The following PRKCH variants were observed in gnomAD, a reference collection of about 807,000 sequenced individuals.
PRKCH encodes protein kinase C eta, also known as protein kinase C eta type.
Under a neutral mutation model 82.5 loss-of-function variants are expected in PRKCH, and 28 were observed. The ratio of observed to expected loss-of-function variants is 0.34; its 90% CI spans 0.25 to 0.47. The LOEUF (loss-of-function observed/expected upper bound fraction) is 0.47, where lower values mean the gene tolerates loss of function less well. Among genes scored for constraint, PRKCH ranks in the 20% least tolerant of loss-of-function variants. The pLI, the probability that PRKCH is intolerant of heterozygous loss-of-function variation, is 1.00. For synonymous variants in PRKCH, 322 were observed against 327.4 expected, an observed-to-expected ratio of 0.98 and a Z score of 0.18; for missense variants, 705 against 881.8, an observed-to-expected ratio of 0.80 and a Z score of 2.54.
intron 1 of PRKCH, among the ~76,000 whole-genome samples, chr14:61,366,997 G>A (rs941067151): frequency 6.6e-5 from 10 of 151,968 alleles, no homozygotes; most frequent in Non-Finnish European, 8.8e-5. Flanking sequence ...CAAATACTTC[G>A]ATGAGTAGGA....
At chr14:61,195,241 A>G (rs1349257651) in intron 1 of PRKCH, among the ~76,000 whole-genome samples, 5 of 152,282 alleles carry the variant, frequency 3.3e-5, no homozygotes, top group Admixed American at 2.6e-4. Flanking sequence ...TGGTCTCTCA[A>G]TGAGTTTATC....
intron 1 of PRKCH, among the ~76,000 whole-genome samples, chr14:61,342,517 T>C (rs2045941555): frequency 6.6e-6 from 1 of 152,230 alleles, no homozygotes; most frequent in Non-Finnish European, 1.5e-5. Flanking sequence ...AATTGTCGGC[T>C]TAAACCTGCC....
chr14:61,325,941 T>G (rs994480163), intron 1 of PRKCH, among the ~76,000 whole-genome samples: 13 of 152,142 alleles, frequency 8.5e-5, no homozygotes, highest in Non-Finnish European at 1.9e-4. Flanking sequence ...AGGTTAAAAT[T>G]AATAAGACTG....
intron 10 of PRKCH, among the ~76,000 whole-genome samples, chr14:61,528,482 G>A (rs1594787700): frequency 1.3e-5 from 2 of 152,242 alleles, no homozygotes; most frequent in African/African-American, 2.4e-5. Flanking sequence ...GCACCCAGCC[G>A]ACAAGTATTT....
chr14:61,528,979 T>TGTGTGG, intron 10 of PRKCH, 96 bp from the exon 11 acceptor site: 2 of 1,049,738 alleles, frequency 1.9e-6, no homozygotes, highest in Non-Finnish European at 2.7e-6. Context: ...CGCACGTGTG[T>TGTGTGG]GTGTGTGTGT....
intron 2 of PRKCH, among the ~76,000 whole-genome samples, chr14:61,419,659 T>G (rs1324665765): frequency 2.6e-5 from 4 of 152,202 alleles, no homozygotes; most frequent in African/African-American, 9.6e-5. Context: ...TGAGACCTGG[T>G]GGGGCGTTCT....
At chr14:61,485,455 G>C (rs749614174) in intron 9 of PRKCH, 47 bp from the exon 10 acceptor site, 2 of 1,596,932 alleles carry the variant, frequency 1.3e-6, no homozygotes, top group Non-Finnish European at 1.7e-6. Context: ...TGGAGCTCTA[G>C]GTTAATTGCT....
intron 3 of PRKCH, among the ~76,000 whole-genome samples, chr14:61,443,650 G>A (rs1331103269): frequency 6.6e-6 from 1 of 152,168 alleles, no homozygotes; most frequent in East Asian, 1.9e-4. Context: ...AATGACTTAT[G>A]GAAATTAATG....
chr14:61,368,625 G>A (rs982038126), intron 1 of PRKCH, among the ~76,000 whole-genome samples: 1 of 152,134 alleles, frequency 6.6e-6, no homozygotes, highest in Non-Finnish European at 1.5e-5. Context: ...AAACAGAGCT[G>A]GCACTGATCA....
chr14:61,467,328 T>G (rs1236736752), intron 9 of PRKCH, among the ~76,000 whole-genome samples: 1 of 152,234 alleles, frequency 6.6e-6, no homozygotes, highest in Non-Finnish European at 1.5e-5. Flanking sequence ...AACGTACCTT[T>G]AGGGAGTGCC....
chr14:61,283,777 AG>A (rs2045291563), intron 1 of PRKCH, among the ~76,000 whole-genome samples: 1 of 152,138 alleles, frequency 6.6e-6, no homozygotes, highest in African/African-American at 2.4e-5. Flanking sequence ...TTAACCAGGG[AG>A]TTATGATTGC....
intron 10 of PRKCH, among the ~76,000 whole-genome samples, chr14:61,523,517 C>T (rs1426661301): frequency 1.3e-5 from 2 of 152,128 alleles, no homozygotes; most frequent in Non-Finnish European, 2.9e-5. Flanking sequence ...TGATTTTACC[C>T]CTGTCTAGCT....
chr14:61,407,183 T>A (rs1881997878), intron 2 of PRKCH, among the ~76,000 whole-genome samples: 1 of 152,236 alleles, frequency 6.6e-6, no homozygotes, highest in Non-Finnish European at 1.5e-5. Context: ...ATTCTCATGC[T>A]CTGACCATTT....
intron 1 of PRKCH, among the ~76,000 whole-genome samples, chr14:61,336,975 A>G (rs1033851556): frequency 6.7e-6 from 1 of 150,352 alleles, no homozygotes; most frequent in Non-Finnish European, 1.5e-5. Context: ...AGGCTGAGGC[A>G]TGAGAATTGC....
intron 2 of PRKCH, among the ~76,000 whole-genome samples, chr14:61,394,722 A>G (rs2046746552): frequency 6.6e-6 from 1 of 152,224 alleles, no homozygotes; most frequent in South Asian, 2.1e-4. Flanking sequence ...GATAATAAGA[A>G]TGAAATGGTA....
At chr14:61,472,333 A>G (rs1283925826) in intron 9 of PRKCH, among the ~76,000 whole-genome samples, 1 of 152,238 alleles carries the variant, frequency 6.6e-6, no homozygotes. Flanking sequence ...CTTTACCAGC[A>G]AGGCATTGAG....
At chr14:61,332,546 TGCTTAAAA>T (rs2045803436) in intron 1 of PRKCH, among the ~76,000 whole-genome samples, 1 of 152,210 alleles carries the variant, frequency 6.6e-6, no homozygotes, top group Admixed American at 6.5e-5. Context: ...GGGAGATAAA[TGCTTAAAA>T]GTTACCAAAG....
chr14:61,267,922 T>G (rs7141238), intron 1 of PRKCH, among the ~76,000 whole-genome samples: 18,115 of 152,214 alleles, frequency 0.12, 1,615 homozygotes, highest in African/African-American at 0.24. Context: ...AAAAGGGTGC[T>G]TTTATATTTG....
intron 10 of PRKCH, chr14:61,525,148 G>A (rs2042950218): frequency 6.6e-6 from 1 of 152,214 alleles, no homozygotes; most frequent in Non-Finnish European, 1.5e-5. Flanking sequence ...TATCATAGAA[G>A]TATAAACTGG....
Sources: gnomAD v4.1 joint callset for allele counts (sites outside exome capture counted in the v4.1 genomes callset) on GRCh38, gnomAD v4.1.1 for gene constraint, MANE v1.5 for transcripts, NCBI Gene and HGNC (gene_info 2026-07-23, HGNC 2026-07-21) for gene names.